ERBB4: variants seen among roughly 807,000 people sequenced by gnomAD.
ERBB4 encodes erb-b2 receptor tyrosine kinase 4.
Under a neutral mutation model 158.0 loss-of-function variants are expected in ERBB4, and 42 were observed. The observed-to-expected ratio is 0.27, with a 90% CI of 0.21 to 0.34. The LOEUF is 0.34. Ranked by LOEUF, ERBB4 falls within the 10% of genes least tolerant of loss-of-function variation. ERBB4 has a pLI of 1.00. For missense variants in ERBB4, 1,333 were observed against 1,624.1 expected (o/e 0.82, Z 3.08); for synonymous variants, 583 against 558.7 (o/e 1.04, Z -0.61).
At chr2:212,100,727 G>A (rs2079060056) in intron 2 of ERBB4, among the ~76,000 whole-genome samples, 1 of 152,188 alleles carries the variant, frequency 6.6e-6, no homozygotes, top group Non-Finnish European at 1.5e-5. Flanking sequence ...GAGCAGTGGA[G>A]ACCAAAGGAA....
chr2:211,684,544 C>G (rs545238237), intron 12 of ERBB4, among the ~76,000 whole-genome samples: 26 of 152,272 alleles, frequency 1.7e-4, no homozygotes, highest in African/African-American at 6.0e-4. Context: ...ATGTAGCTTT[C>G]TATTGGACCT....
chr2:211,515,445 TTC>T (rs2065997166), intron 20 of ERBB4, among the ~76,000 whole-genome samples: 1 of 152,106 alleles, frequency 6.6e-6, no homozygotes, highest in Non-Finnish European at 1.5e-5. Flanking sequence ...ATCTTATTAA[TTC>T]CAGATTTCTG....
chr2:212,123,165 G>A lies in ERBB4; in HGVS notation c.234+1587C>T, dbSNP rs149417353. Among the ~76,000 whole-genome samples, 187 of 152,212 alleles carry A rather than the reference G, an allele frequency of 1.2e-3. No individual in the cohort carries two copies. The East Asian group carries it at 0.033, about 27-fold the overall frequency. Reference sequence around the variant, plus strand: ...GCCTGTAATCCCAGCACTTTGGGAGGCCGAGGAGGGCGGATTGCCTGAGCT... The same window carrying A: ...GCCTGTAATCCCAGCACTTTGGGAGACCGAGGAGGGCGGATTGCCTGAGCT... On this transcript the variant is annotated intron_variant, in intron 2 of 27. Transcript: ENST00000342788.
At chr2:211,529,953 C>G (rs909023489) in intron 20 of ERBB4, among the ~76,000 whole-genome samples, 5 of 152,178 alleles carry the variant, frequency 3.3e-5, no homozygotes, top group Middle Eastern at 3.4e-3. Context: ...GATGCCCACC[C>G]TCACCATTGT....
chr2:212,141,201 C>A (rs999022962), intron 1 of ERBB4, among the ~76,000 whole-genome samples: 4 of 151,770 alleles, frequency 2.6e-5, no homozygotes, highest in Non-Finnish European at 5.9e-5. Flanking sequence ...AGAACTACAG[C>A]GTTGTACTCT....
intron 20 of ERBB4, among the ~76,000 whole-genome samples, chr2:211,469,372 T>G (rs2064776197): frequency 6.6e-6 from 1 of 152,146 alleles, no homozygotes; most frequent in South Asian, 2.1e-4. Flanking sequence ...AGACACACTT[T>G]CCAGCAGGAA....
At chr2:211,522,480 G>A (rs1223113118) in intron 20 of ERBB4, among the ~76,000 whole-genome samples, 1 of 152,188 alleles carries the variant, frequency 6.6e-6, no homozygotes, top group Admixed American at 6.5e-5. Flanking sequence ...TACTCATGGT[G>A]AAGGCGTTGT....
intron 1 of ERBB4, among the ~76,000 whole-genome samples, chr2:212,362,886 G>C (rs747213576): frequency 6.6e-6 from 1 of 150,988 alleles, no homozygotes; most frequent in Non-Finnish European, 1.5e-5. Context: ...AAGGTGATAG[G>C]CAGTTGTCAA....
chr2:211,848,569 T>C (rs75183166), intron 3 of ERBB4, among the ~76,000 whole-genome samples: 1,604 of 152,176 alleles, frequency 0.011, 29 homozygotes, highest in African/African-American at 0.036. Context: ...TCATGTATAA[T>C]TGTTCTGTTT....
intron 25 of ERBB4, among the ~76,000 whole-genome samples, chr2:211,411,914 G>A (rs1217925315): frequency 6.6e-6 from 1 of 151,828 alleles, no homozygotes; most frequent in African/African-American, 2.4e-5. Flanking sequence ...ATTTCACTTG[G>A]TACAATGTAA....
At chr2:212,196,147 A>G (rs148139129) in intron 1 of ERBB4, among the ~76,000 whole-genome samples, 94 of 152,108 alleles carry the variant, frequency 6.2e-4, no homozygotes, top group African/African-American at 2.2e-3. Flanking sequence ...AATTACTAAT[A>G]CTCTACTGCT....
chr2:211,444,120 A>G (rs2064054799), intron 20 of ERBB4, among the ~76,000 whole-genome samples: 1 of 136,460 alleles, frequency 7.3e-6, no homozygotes, highest in South Asian at 2.6e-4. Context: ...TTTTTTGTAT[A>G]CTTTCATTTC....
At chr2:211,934,864 C>T (rs1223338956) in intron 3 of ERBB4, among the ~76,000 whole-genome samples, 1 of 140,216 alleles carries the variant, frequency 7.1e-6, no homozygotes, top group African/African-American at 2.6e-5. Flanking sequence ...CAATCTGTAT[C>T]TCTTTTAGAA....
chr2:211,557,880 A>G (rs528734353), intron 20 of ERBB4, among the ~76,000 whole-genome samples: 3 of 152,306 alleles, frequency 2.0e-5, no homozygotes, highest in South Asian at 2.1e-4. Context: ...ATGCCCATCA[A>G]TGGTAGACTG....
At chr2:211,467,046 G>C (rs2064711993) in intron 20 of ERBB4, among the ~76,000 whole-genome samples, 1 of 152,050 alleles carries the variant, frequency 6.6e-6, no homozygotes, top group Non-Finnish European at 1.5e-5. Flanking sequence ...GCCACAGACT[G>C]ACCTCCAATG....
Position 212,282,360 on chromosome 2 carries a change from A to G in ERBB4, c.83-157457T>C, listed in dbSNP as rs909072582. 5.3e-5 allele frequency among the ~76,000 whole-genome samples: 8 copies of G among 151,950 alleles called. No homozygotes were observed. The East Asian group carries it at 1.2e-3, about 22-fold the overall frequency. On this transcript the variant is annotated intron_variant, in intron 1 of 27. Transcript: ENST00000342788. ...CTGAGTTGTTCATTACAAGCAGGCT[A>G]CTTTCACCTTTGAACTCTGGAAAGC...
intron 1 of ERBB4, among the ~76,000 whole-genome samples, chr2:212,292,106 G>A (rs1364496155): frequency 2.0e-5 from 3 of 151,780 alleles, no homozygotes; most frequent in Non-Finnish European, 4.4e-5. Context: ...CTGAAAAACT[G>A]AAACAATTTT....
At chr2:212,196,897 T>C (rs1412444449) in intron 1 of ERBB4, among the ~76,000 whole-genome samples, 2 of 152,206 alleles carry the variant, frequency 1.3e-5, no homozygotes, top group African/African-American at 4.8e-5. Flanking sequence ...TTTCAGATTT[T>C]GGATAAGGAA....
chr2:211,916,755 T>C (rs1294337617), intron 3 of ERBB4, among the ~76,000 whole-genome samples: 1 of 152,158 alleles, frequency 6.6e-6, no homozygotes, highest in Non-Finnish European at 1.5e-5. Flanking sequence ...AATTTGAAAA[T>C]ATCTGTTAAA....
Sources: gnomAD v4.1 joint callset for allele counts (sites outside exome capture counted in the v4.1 genomes callset) on GRCh38, gnomAD v4.1.1 for gene constraint, MANE v1.5 for transcripts, NCBI Gene and HGNC (gene_info 2026-07-23, HGNC 2026-07-21) for gene names.